TTC7B: variants seen among roughly 807,000 people sequenced by gnomAD.
The protein encoded by TTC7B is tetratricopeptide repeat protein 7B.
A neutral mutation model predicts 106.8 loss-of-function variants in TTC7B; 28 were observed. That is an observed-to-expected ratio of 0.26 (90% CI 0.19 to 0.36). The LOEUF is 0.36. Among genes scored for constraint, TTC7B ranks in the 10% least tolerant of loss-of-function variants. TTC7B has a pLI of 1.00. For missense variants in TTC7B, 862 were observed against 1,076.4 expected (o/e 0.80, Z 2.79); for synonymous variants, 405 against 430.6 (o/e 0.94, Z 0.74).
At chr14:90,664,091 T>G (rs1325551319) in intron 9 of TTC7B, among the ~76,000 whole-genome samples, 7 of 152,178 alleles carry the variant, frequency 4.6e-5, no homozygotes, top group African/African-American at 1.7e-4. Context: ...GGGTTGTCAC[T>G]GGGGGCTTTT....
intron 6 of TTC7B, among the ~76,000 whole-genome samples, chr14:90,690,464 C>T (rs1004909741): frequency 5.3e-5 from 8 of 152,190 alleles, no homozygotes; most frequent in Non-Finnish European, 1.0e-4. Context: ...AATTCCACTG[C>T]CTAAAACAGT....
intron 18 of TTC7B, among the ~76,000 whole-genome samples, chr14:90,581,714 A>G (rs566070340): frequency 1.3e-5 from 2 of 152,350 alleles, no homozygotes; most frequent in East Asian, 3.9e-4. Context: ...CATGTCCAGA[A>G]CAAGAATCAA....
At chr14:90,623,390 T>C (rs1473175263) in intron 15 of TTC7B, among the ~76,000 whole-genome samples, 5 of 152,116 alleles carry the variant, frequency 3.3e-5, no homozygotes, top group Non-Finnish European at 1.5e-5. Flanking sequence ...TCCATGTGAA[T>C]AAGAAACAGA....
intron 9 of TTC7B, among the ~76,000 whole-genome samples, chr14:90,662,041 G>A (rs1886228956): frequency 6.6e-6 from 1 of 152,218 alleles, no homozygotes. Context: ...TCCTGTGGCT[G>A]GAGATCACTT....
At chr14:90,613,712 G>A (rs114536341) in intron 16 of TTC7B, among the ~76,000 whole-genome samples, 357 of 152,264 alleles carry the variant, frequency 2.3e-3, no homozygotes, top group African/African-American at 8.1e-3. Flanking sequence ...CTTCTCTGCC[G>A]GGCCCTTAGG....
chr14:90,581,700 T>A (rs1389969146), intron 18 of TTC7B, among the ~76,000 whole-genome samples: 2 of 152,188 alleles, frequency 1.3e-5, no homozygotes, highest in Non-Finnish European at 2.9e-5. Flanking sequence ...AGAGCAGGGA[T>A]GAACATGTCC....
chr14:90,668,827 C>CTTTT (rs11291974), intron 9 of TTC7B, among the ~76,000 whole-genome samples: 4 of 88,528 alleles, frequency 4.5e-5, no homozygotes, highest in Non-Finnish European at 6.3e-5. Context: ...AAAATTTCAA[C>CTTTT]TTTTTTTTTT....
intron 1 of TTC7B, among the ~76,000 whole-genome samples, chr14:90,812,533 C>T (rs944699261): frequency 2.8e-4 from 43 of 152,112 alleles, no homozygotes; most frequent in African/African-American, 9.2e-4. Context: ...CCCAAGAATC[C>T]GCATTTCTCA....
chr14:90,729,299 A>G (rs187250081), intron 5 of TTC7B, among the ~76,000 whole-genome samples: 172 of 152,266 alleles, frequency 1.1e-3, no homozygotes, highest in African/African-American at 3.8e-3. Context: ...TCCATTGTTC[A>G]TTTTTCCAGA....
intron 18 of TTC7B, among the ~76,000 whole-genome samples, chr14:90,586,518 C>G (rs1257474671): frequency 6.6e-6 from 1 of 152,150 alleles, no homozygotes; most frequent in Non-Finnish European, 1.5e-5. Context: ...GATTGACCCG[C>G]CTCAGCCTTC....
At chr14:90,638,751 T>C (rs1301037386) in intron 15 of TTC7B, among the ~76,000 whole-genome samples, 2 of 152,164 alleles carry the variant, frequency 1.3e-5, no homozygotes, top group Admixed American at 6.5e-5. Flanking sequence ...TATGTGAAAG[T>C]TCAAAGGCCC....
chr14:90,629,479 A>G (rs1884595934), intron 15 of TTC7B, among the ~76,000 whole-genome samples: 1 of 152,212 alleles, frequency 6.6e-6, no homozygotes, highest in Admixed American at 6.5e-5. Flanking sequence ...GGCAGACACA[A>G]GCTTAGCTAT....
chr14:90,785,808 G>T (rs1039021373), intron 2 of TTC7B, among the ~76,000 whole-genome samples: 4 of 152,176 alleles, frequency 2.6e-5, no homozygotes, highest in Non-Finnish European at 5.9e-5. Context: ...TGAGCAGGAA[G>T]CTGTGCGCTG....
intron 4 of TTC7B, among the ~76,000 whole-genome samples, chr14:90,744,163 A>G (rs1233189505): frequency 6.6e-6 from 1 of 152,254 alleles, no homozygotes; most frequent in South Asian, 2.1e-4. Context: ...CCATACAAGT[A>G]CAAATGAAGC....
intron 18 of TTC7B, among the ~76,000 whole-genome samples, chr14:90,583,800 C>G (rs1891604583): frequency 6.6e-6 from 1 of 152,178 alleles, no homozygotes; most frequent in African/African-American, 2.4e-5. Context: ...TTTGTCCCTG[C>G]TATTGGGTTA....
intron 19 of TTC7B, among the ~76,000 whole-genome samples, chr14:90,549,949 G>C (rs1890005745): frequency 6.6e-6 from 1 of 152,080 alleles, no homozygotes; most frequent in South Asian, 2.1e-4. Context: ...TTAAACTAGA[G>C]ATCATAAGAC....
At chr14:90,636,347 T>C (rs1054975621) in intron 15 of TTC7B, among the ~76,000 whole-genome samples, 3 of 143,728 alleles carry the variant, frequency 2.1e-5, no homozygotes, top group Admixed American at 1.5e-4. Flanking sequence ...TGTACCATAA[T>C]ACACAGCAAC....
Position 90,781,552 on chromosome 14 carries a change from T to C in TTC7B, c.277-646A>G, listed in dbSNP as rs141056819. On this transcript the variant is annotated intron_variant, in intron 2 of 19. Coordinates refer to ENST00000328459, the MANE Select transcript of TTC7B (RefSeq NM_001010854.2). Reference sequence around the variant, plus strand: ...GGCCGGCTGGGAAGGAAGGAATGCTTCATAAGTTAAACATACAAGCACCTG... The same window carrying C: ...GGCCGGCTGGGAAGGAAGGAATGCTCCATAAGTTAAACATACAAGCACCTG... Among the ~76,000 whole-genome samples, 230 of 152,212 alleles carry C rather than the reference T, an allele frequency of 1.5e-3. 1 individual carries two copies. The highest frequency in any genetic ancestry group is 3.4e-3 in the Middle Eastern group (1 of 294).
chr14:90,698,334 C>T (rs1057190751), intron 5 of TTC7B: 2 of 152,202 alleles, frequency 1.3e-5, no homozygotes, highest in Non-Finnish European at 2.9e-5. Context: ...ACAAAACCCA[C>T]ACGATTGCTT....
Sources: gnomAD v4.1 joint callset for allele counts (sites outside exome capture counted in the v4.1 genomes callset) on GRCh38, gnomAD v4.1.1 for gene constraint, MANE v1.5 for transcripts, NCBI Gene and HGNC (gene_info 2026-07-23, HGNC 2026-07-21) for gene names.